Variants in SERAC1 observed in about 807,000 individuals in gnomAD.
SERAC1 encodes the protein serine active site containing 1, also known as protein SERAC1.
SERAC1 carries 36 observed loss-of-function variants against 85.7 expected under a neutral mutation model. That is an observed-to-expected ratio of 0.42 (90% CI 0.32 to 0.55). SERAC1 has a LOEUF of 0.55. SERAC1 is among the 20% of genes least tolerant of loss of function. The pLI is 0.11. For missense variants in SERAC1, 629 were observed against 796.2 expected (o/e 0.79, Z 2.53); for synonymous variants, 242 against 265.3 (o/e 0.91, Z 0.85).
At chr6:158,151,891 T>C (rs1233311768) in intron 3 of SERAC1, among the ~76,000 whole-genome samples, 1 of 151,292 alleles carries the variant, frequency 6.6e-6, no homozygotes, top group Non-Finnish European at 1.5e-5. Context: ...AAAAATACAG[T>C]AAGCTGAGGT....
At chr6:158,144,266 T>C (rs1462736840) in intron 7 of SERAC1, 33 bp downstream of exon 7, 1 of 1,544,154 alleles carries the variant, frequency 6.5e-7, no homozygotes, top group Non-Finnish European at 8.9e-7. Context: ...CATTTTTCAC[T>C]CTCTAAATTA....
intron 10 of SERAC1, among the ~76,000 whole-genome samples, chr6:158,124,330 A>T (rs1784486740): frequency 6.6e-6 from 1 of 152,168 alleles, no homozygotes; most frequent in African/African-American, 2.4e-5. Flanking sequence ...GAAAAAAGAG[A>T]TCTAATATAC....
At chr6:158,147,059 T>C (rs1049619314) in intron 5 of SERAC1, 146 bp from the exon 6 acceptor site, 19 of 798,120 alleles carry the variant, frequency 2.4e-5, no homozygotes, top group Non-Finnish European at 3.6e-5. Flanking sequence ...CTAATATTAT[T>C]TGTTCTCAAT....
chr6:158,135,292 GA>G (rs200516635), intron 8 of SERAC1, among the ~76,000 whole-genome samples: 6,278 of 152,262 alleles, frequency 0.041, 194 homozygotes, highest in African/African-American at 0.09. Context: ...AGCACTTTGG[GA>G]GGCCAAGGCA....
Position 158,117,681 on chromosome 6 carries a change from G to A in SERAC1, c.1403+46C>T. ...CCATCCAAGAGGACCTAAACTTGCG[G>A]CCTGAATTCTTCCCTGTCCTCCTGG... On this transcript the variant is annotated intron_variant, in intron 13 of 16. Coordinates refer to ENST00000647468, the MANE Select transcript of SERAC1 (RefSeq NM_032861.4). The surrounding 1 kb of genome is among the most constrained non-coding windows in gnomAD (Gnocchi z 4.3). 2 of 1,611,372 alleles carry A rather than the reference G, an allele frequency of 1.2e-6. No homozygotes were observed. The highest frequency in any genetic ancestry group is 1.7e-6 in the Non-Finnish European group (2 of 1,177,806).
intron 1 of SERAC1, 84 bp from the exon 2 acceptor site, chr6:158,158,448 C>A: frequency 1.0e-6 from 1 of 997,912 alleles, no homozygotes; most frequent in South Asian, 1.5e-5. Context: ...ATGTTACCAT[C>A]ACAGTGGATG....
chr6:158,145,970 A>C (rs1328959315), intron 6 of SERAC1: 4 of 152,252 alleles, frequency 2.6e-5, no homozygotes, highest in Admixed American at 1.3e-4. Flanking sequence ...AAACACAATT[A>C]CATATTTCAA....
intron 1 of SERAC1, among the ~76,000 whole-genome samples, chr6:158,167,512 T>A (rs1434451022): frequency 8.0e-6 from 1 of 125,478 alleles, no homozygotes; most frequent in East Asian, 2.5e-4. Flanking sequence ...CACTCCAGCC[T>A]GGCAGACAGA....
chr6:158,136,552 C>T (rs1425796924), intron 8 of SERAC1, among the ~76,000 whole-genome samples: 3 of 152,134 alleles, frequency 2.0e-5, no homozygotes, highest in Non-Finnish European at 4.4e-5. Context: ...TGGCTGTTCA[C>T]AGAAACTATC....
intron 1 of SERAC1, among the ~76,000 whole-genome samples, 160 bp downstream of exon 1, chr6:158,167,980 C>G (rs1415338257): frequency 6.6e-6 from 1 of 152,142 alleles, no homozygotes; most frequent in Non-Finnish European, 1.5e-5. Context: ...GAGAGGCCCT[C>G]ACGCCCAGCC....
intron 6 of SERAC1, 79 bp downstream of exon 6, chr6:158,146,703 C>T (rs1785068895): frequency 1.3e-6 from 2 of 1,574,722 alleles, no homozygotes; most frequent in East Asian, 4.6e-5. Flanking sequence ...AGCCACCGCA[C>T]CTGGCCACTC....
rs1784998605 is a variant in SERAC1, at chr6:158,144,277, CTAT to C, written c.609+19_609+21del. The C allele has an allele frequency of 6.3e-7, 1 of 1,577,652 alleles. No homozygotes were observed. The highest frequency in any genetic ancestry group is 8.7e-7 in the Non-Finnish European group (1 of 1,152,634). Reference sequence around the variant, plus strand: ...AAACCATTTTTCACTCTCTAAATTACTATTATTATTGTTTTACTTACTTCTTTT... The same window carrying C: ...AAACCATTTTTCACTCTCTAAATTACTATTATTGTTTTACTTACTTCTTTT... On this transcript the variant is annotated intron_variant, in intron 7 of 16. Transcript: ENST00000647468.
intron 3 of SERAC1, among the ~76,000 whole-genome samples, chr6:158,152,373 A>C (rs1179808739): frequency 1.3e-5 from 2 of 152,154 alleles, no homozygotes; most frequent in African/African-American, 2.4e-5. Flanking sequence ...AAACTTAGCC[A>C]GGCATGGTGG....
chr6:158,156,147 TTAAAA>T, intron 2 of SERAC1, among the ~76,000 whole-genome samples: 1 of 152,318 alleles, frequency 6.6e-6, no homozygotes, highest in South Asian at 2.1e-4. Context: ...AGACTCCATC[TTAAAA>T]TAAATAAATA....
chr6:158,156,397 T>C (rs1016798928), intron 2 of SERAC1, among the ~76,000 whole-genome samples: 13 of 152,062 alleles, frequency 8.5e-5, no homozygotes, highest in African/African-American at 3.1e-4. Context: ...CAATCGGATA[T>C]AGATGGAAGT....
At chr6:158,130,516 G>T in intron 8 of SERAC1, 30 bp from the exon 9 acceptor site, 1 of 1,312,912 alleles carries the variant, frequency 7.6e-7, no homozygotes, top group South Asian at 1.4e-5. Flanking sequence ...AATTTTTACT[G>T]AAAAAAAGTG....
chr6:158,122,452 C>G (rs1385255423), intron 10 of SERAC1, among the ~76,000 whole-genome samples: 1 of 152,082 alleles, frequency 6.6e-6, no homozygotes. Flanking sequence ...TGGTGGACAC[C>G]CTTTTGAAAA....
chr6:158,127,343 C>G (rs1356365411), intron 10 of SERAC1, among the ~76,000 whole-genome samples: 1 of 6,736 alleles, frequency 1.5e-4, no homozygotes, highest in Non-Finnish European at 3.2e-4. Context: ...CCCCTCTGCC[C>G]GGCCAGCCGC....
intron 3 of SERAC1, among the ~76,000 whole-genome samples, chr6:158,154,650 T>C (rs896471869): frequency 2.6e-5 from 4 of 152,228 alleles, no homozygotes; most frequent in African/African-American, 7.2e-5. Context: ...TCATTACACA[T>C]GCTCCTGAGG....
Sources: allele counts gnomAD v4.1 joint callset (sites outside exome capture counted in the v4.1 genomes callset), GRCh38; gene constraint gnomAD v4.1.1; non-coding constraint Gnocchi (gnomAD v3.1); transcripts MANE v1.5; gene names NCBI Gene and HGNC (gene_info 2026-07-23, HGNC 2026-07-21).